Variants in PDE4D observed in about 807,000 individuals in gnomAD.
PDE4D encodes the protein 3',5'-cyclic-AMP phosphodiesterase 4D.
PDE4D carries 24 observed loss-of-function variants against 87.4 expected under a neutral mutation model. The observed-to-expected ratio is 0.27, with a 90% CI of 0.20 to 0.39. The LOEUF (loss-of-function observed/expected upper bound fraction) is 0.39. Ranked by LOEUF, PDE4D falls within the 10% of genes least tolerant of loss-of-function variation. The pLI is 1.00. For synonymous variants in PDE4D, 384 were observed against 383.2 expected, an observed-to-expected ratio of 1.00 and a Z score of -0.02; for missense variants, 714 against 1,041.0, an observed-to-expected ratio of 0.69 and a Z score of 4.32.
intron 1 of PDE4D, chr5:60,487,573 C>T (rs1749252645): frequency 6.6e-6 from 1 of 152,166 alleles, no homozygotes; most frequent in African/African-American, 2.4e-5. Flanking sequence ...GACTGAGATG[C>T]TTGGGGGTGG....
intron 1 of PDE4D, among the ~76,000 whole-genome samples, chr5:59,266,326 A>T (rs1457111521): frequency 6.6e-6 from 1 of 151,828 alleles, no homozygotes; most frequent in Non-Finnish European, 1.5e-5. Context: ...AAGCATTGAC[A>T]TTGTTTTTAA....
intron 6 of PDE4D, among the ~76,000 whole-genome samples, chr5:59,003,972 A>C (rs1481919885): frequency 6.6e-6 from 1 of 152,160 alleles, no homozygotes; most frequent in African/African-American, 2.4e-5. Flanking sequence ...CCTTTAAAAA[A>C]AAAAAAATCC....
intron 1 of PDE4D, among the ~76,000 whole-genome samples, chr5:59,332,696 G>T (rs1417574245): frequency 6.6e-6 from 1 of 152,164 alleles, no homozygotes; most frequent in Non-Finnish European, 1.5e-5. Context: ...AAAACCAAAT[G>T]TTAACTTCCA....
intron 5 of PDE4D, among the ~76,000 whole-genome samples, chr5:59,105,105 A>G (rs560460531): frequency 1.3e-4 from 20 of 152,346 alleles, no homozygotes; most frequent in African/African-American, 4.8e-4. Flanking sequence ...CAAGTCACAA[A>G]TTCCTTAAAC....
At chr5:60,058,023 T>C (rs778744156) in intron 2 of PDE4D, among the ~76,000 whole-genome samples, 2 of 151,978 alleles carry the variant, frequency 1.3e-5, no homozygotes, top group South Asian at 2.1e-4. Flanking sequence ...CTGGATGCTC[T>C]ATGTTTAAGT....
intron 1 of PDE4D, among the ~76,000 whole-genome samples, chr5:59,812,959 T>G (rs1013221023): frequency 1.3e-5 from 2 of 152,260 alleles, no homozygotes; most frequent in Non-Finnish European, 2.9e-5. Flanking sequence ...GTATTTCATT[T>G]AAAGTGGGAG....
chr5:60,090,849 T>C (rs1382616186), intron 2 of PDE4D, among the ~76,000 whole-genome samples: 5 of 152,040 alleles, frequency 3.3e-5, no homozygotes, highest in Admixed American at 1.3e-4. Flanking sequence ...AAAATAAACA[T>C]ACAAAAAGCA....
chr5:59,515,589 T>C (rs1811019068), intron 1 of PDE4D, among the ~76,000 whole-genome samples: 2 of 152,196 alleles, frequency 1.3e-5, no homozygotes, highest in African/African-American at 4.8e-5. Context: ...ACATCAAAGT[T>C]TGAAAAGTTT....
intron 1 of PDE4D, among the ~76,000 whole-genome samples, chr5:59,248,029 C>A (rs1359777708): frequency 2.9e-5 from 3 of 102,612 alleles, no homozygotes; most frequent in Admixed American, 1.6e-4. Context: ...TTATTGGATA[C>A]CGTATCTATT....
intron 1 of PDE4D, among the ~76,000 whole-genome samples, chr5:59,835,019 A>G (rs896412098): frequency 6.6e-6 from 1 of 152,010 alleles, no homozygotes; most frequent in Non-Finnish European, 1.5e-5. Flanking sequence ...TAGTCCTTGA[A>G]TTTTAAATGG....
At chr5:59,006,575 T>TGGA (rs1430277071) in intron 6 of PDE4D, among the ~76,000 whole-genome samples, 8 of 151,088 alleles carry the variant, frequency 5.3e-5, no homozygotes, top group African/African-American at 1.9e-4. Context: ...GAGCAAGACC[T>TGGA]TGTCTCAAAA....
chr5:59,520,104 T>G (rs1243594784), intron 1 of PDE4D, among the ~76,000 whole-genome samples: 3 of 151,978 alleles, frequency 2.0e-5, no homozygotes, highest in African/African-American at 7.3e-5. Flanking sequence ...CTACTCATAA[T>G]ACAAAAAAAT....
chr5:60,232,034 G>A (rs754733152), intron 1 of PDE4D, among the ~76,000 whole-genome samples: 2 of 151,616 alleles, frequency 1.3e-5, no homozygotes, highest in Non-Finnish European at 3.0e-5. Flanking sequence ...CTTGTTCAAG[G>A]CTTTTTATTT....
chr5:59,804,242 TA>T (rs1767487489), intron 1 of PDE4D, among the ~76,000 whole-genome samples: 1 of 151,130 alleles, frequency 6.6e-6, no homozygotes, highest in Non-Finnish European at 1.5e-5. Flanking sequence ...CCTCAGCGCT[TA>T]GCTCCCACTT....
intron 5 of PDE4D, among the ~76,000 whole-genome samples, chr5:59,169,689 C>T (rs1255234252): frequency 6.6e-6 from 1 of 152,172 alleles, no homozygotes; most frequent in Non-Finnish European, 1.5e-5. Flanking sequence ...TCCAGAAAGA[C>T]AGGTATTTTC....
chr5:60,189,536 A>C (rs1583018574), intron 1 of PDE4D, among the ~76,000 whole-genome samples: 2 of 152,210 alleles, frequency 1.3e-5, no homozygotes, highest in South Asian at 4.1e-4. Flanking sequence ...AGTTCCCTGC[A>C]AATATAAATC....
At chr5:60,452,886 A>G (rs1240644279) in intron 1 of PDE4D, among the ~76,000 whole-genome samples, 1 of 152,152 alleles carries the variant, frequency 6.6e-6, no homozygotes, top group African/African-American at 2.4e-5. Context: ...AAATGTGGCC[A>G]GATTTCTCCA....
intron 1 of PDE4D, among the ~76,000 whole-genome samples, chr5:60,214,988 A>G (rs555991332): frequency 3.3e-5 from 5 of 152,274 alleles, no homozygotes; most frequent in African/African-American, 1.2e-4. Flanking sequence ...TCTCAGAATC[A>G]TCTCTTGTAT....
chr5:59,612,450 A>G (rs1829136411), intron 1 of PDE4D, among the ~76,000 whole-genome samples: 1 of 152,182 alleles, frequency 6.6e-6, no homozygotes. Context: ...GTAATTATTT[A>G]TCTATTCAAC....
Sources: allele counts gnomAD v4.1 joint callset (sites outside exome capture counted in the v4.1 genomes callset), GRCh38; gene constraint gnomAD v4.1.1; transcripts MANE v1.5; gene names NCBI Gene and HGNC (gene_info 2026-07-23, HGNC 2026-07-21).